EMC3: variants seen among roughly 807,000 people sequenced by gnomAD.
EMC3 encodes the protein ER membrane protein complex subunit 3, also known as 30 kDa protein.
Under a neutral mutation model 36.6 loss-of-function variants are expected in EMC3, and 13 were observed. The observed-to-expected ratio is 0.35, with a 90% confidence interval of 0.23 to 0.56. The LOEUF (loss-of-function observed/expected upper bound fraction) is 0.56, where lower values mean the gene tolerates loss of function less well. Ranked by LOEUF, EMC3 falls within the 20% of genes least tolerant of loss-of-function variation. The probability of loss-of-function intolerance (pLI) is 0.84; values close to 1 mark genes in which losing one functional copy is unlikely to be tolerated. For missense variants in EMC3, 220 were observed against 324.5 expected (o/e 0.68, Z 2.47); for synonymous variants, 120 against 111.9 (o/e 1.07, Z -0.46).
intron 5 of EMC3, among the ~76,000 whole-genome samples, chr3:9,970,880 T>C (rs961042202): frequency 1.3e-5 from 2 of 151,988 alleles, no homozygotes; most frequent in African/African-American, 4.8e-5. Context: ...ACTCCCATTC[T>C]GAATTCCATT....
intron 1 of EMC3, among the ~76,000 whole-genome samples, chr3:9,999,512 T>A (rs1437333785): frequency 6.6e-6 from 1 of 152,218 alleles, no homozygotes; most frequent in Admixed American, 6.5e-5. Context: ...GTGCTGTGAT[T>A]ACAGGCATGA....
intron 7 of EMC3, among the ~76,000 whole-genome samples, chr3:9,967,360 G>C (rs941432626): frequency 6.6e-6 from 1 of 152,030 alleles, no homozygotes; most frequent in Non-Finnish European, 1.5e-5. Flanking sequence ...TAACATGCCT[G>C]TTGAACCATT....
chr3:9,983,149 ATT>A (rs36108965), intron 1 of EMC3, among the ~76,000 whole-genome samples: 37 of 142,956 alleles, frequency 2.6e-4, no homozygotes, highest in East Asian at 4.1e-4. Flanking sequence ...AATCTGTGGA[ATT>A]TTTTTTTTTT....
chr3:10,003,415 A>G (rs1001700419), intron 1 of EMC3: 2 of 361,270 alleles, frequency 5.5e-6, no homozygotes. Context: ...GACAAAAATC[A>G]AGTTGGTGGG....
intron 1 of EMC3, chr3:9,992,725 G>C (rs143609182): frequency 0.034 from 19,959 of 592,654 alleles, 414 homozygotes; most frequent in Admixed American, 0.043. Context: ...AATATTTCTG[G>C]GTTTTGTGAA....
Position 10,000,974 on chromosome 3 carries a change from G to A in EMC3, c.-242+10049C>T, listed in dbSNP as rs375953730. ...TTTAATTCTCTTTTTAGTCCCTGGGGCCACGAAGGTTGCCACTCCAAAGCC... is the reference window on the plus strand; with the variant it reads ...TTTAATTCTCTTTTTAGTCCCTGGGACCACGAAGGTTGCCACTCCAAAGCC... On this transcript the variant is annotated intron_variant, in intron 1 of 8. Transcript: ENST00000470827. 25 of 287,010 alleles carry A rather than the reference G, an allele frequency of 8.7e-5. 1 individual carries two copies. The highest frequency in any genetic ancestry group is 7.5e-4 in the East Asian group (8 of 10,634). The allele number at this position is 287,010 out of a possible 1,614,324, so 17.8% of individuals were successfully genotyped here.
intron 1 of EMC3, 129 bp from the exon 2 acceptor site, chr3:9,977,575 C>A: frequency 1.5e-6 from 1 of 675,730 alleles, no homozygotes; most frequent in South Asian, 2.2e-5. Context: ...GTGGAAACTT[C>A]CCAAAATACA....
intron 7 of EMC3, 118 bp downstream of exon 7, chr3:9,969,601 A>T: frequency 6.4e-7 from 1 of 1,553,910 alleles, no homozygotes; most frequent in Non-Finnish European, 8.7e-7. Context: ...GTTTTTACTA[A>T]GTTTAAATTA....
chr3:9,980,271 C>T (rs9859053), intron 1 of EMC3, among the ~76,000 whole-genome samples: 1 of 151,928 alleles, frequency 6.6e-6, no homozygotes, highest in Non-Finnish European at 1.5e-5. Context: ...GCCTCAGCCT[C>T]TCAAAGTGCT....
intron 1 of EMC3, among the ~76,000 whole-genome samples, chr3:9,995,530 C>T (rs1479003915): frequency 6.6e-6 from 1 of 150,520 alleles, no homozygotes; most frequent in African/African-American, 2.4e-5. Flanking sequence ...GTGATTTTAA[C>T]GAAGTAGAGA....
At chr3:9,995,733 G>A (rs895457839) in intron 1 of EMC3, among the ~76,000 whole-genome samples, 3 of 151,878 alleles carry the variant, frequency 2.0e-5, no homozygotes, top group Non-Finnish European at 4.4e-5. Flanking sequence ...TGCCTCCCGG[G>A]TTCTAGCGAT....
Position 10,007,748 on chromosome 3 carries a change from A to G in EMC3, c.-242+3275T>C, listed in dbSNP as rs1236210554. On this transcript the variant is annotated intron_variant, in intron 1 of 8. Transcript: ENST00000470827. ...TGCAGATGCCCATCAGCACCCATCA[A>G]GGAGCTTCCTTGTGGGTTCCTAATG... is the stretch of plus-strand genomic sequence containing the variant. 1.3e-5 allele frequency: 13 copies of G among 988,066 alleles called. 1 individual carries two copies. Among genetic ancestry groups the G allele is most frequent in the African/African-American group, 1.0e-4 (6 of 58,412 alleles). 61.2% of individuals were successfully genotyped at this position (988,066 alleles called of 1,614,324 possible). A position where few individuals can be genotyped will look rare whatever the true frequency, so the allele number is the denominator to read the frequency against.
chr3:10,000,656 T>G (rs2086187709), intron 1 of EMC3: 2 of 477,116 alleles, frequency 4.2e-6, no homozygotes, highest in Admixed American at 4.5e-5. Context: ...ATTAGTAGCT[T>G]TTTTAAGATA....
intron 6 of EMC3, 67 bp from the exon 7 acceptor site, chr3:9,969,868 A>C (rs1349599593): frequency 3.1e-6 from 5 of 1,589,058 alleles, no homozygotes; most frequent in Non-Finnish European, 4.3e-6. Flanking sequence ...CAAGGGGAAG[A>C]ATGGGCTTCA....
Position 10,001,577 on chromosome 3 carries a change from C to CA in EMC3, c.-242+9445dup, listed in dbSNP as rs530876800. On this transcript the variant is annotated intron_variant, in intron 1 of 8. Coordinates refer to the EMC3 transcript ENST00000470827. Reference sequence around the variant, plus strand: ...TGGATGACAGAGCAAGACTCCGTCTCAAAAAAAAAAACAATTTGTCACATA... The same window carrying CA: ...TGGATGACAGAGCAAGACTCCGTCTCAAAAAAAAAAAACAATTTGTCACATA... 5.4e-3 allele frequency among the ~76,000 whole-genome samples: 703 copies of CA among 131,050 alleles called. 8 individuals are homozygous for CA. Among genetic ancestry groups the CA allele is most frequent in the South Asian group, 0.033 (136 of 4,112 alleles). 86.0% of individuals were successfully genotyped at this position (131,050 alleles called of 152,430 possible).
intron 2 of EMC3, 49 bp from the exon 3 acceptor site, chr3:9,977,099 C>A (rs758531870): frequency 3.6e-6 from 5 of 1,406,208 alleles, no homozygotes; most frequent in Non-Finnish European, 5.0e-6. Flanking sequence ...TATGACACAG[C>A]AAACTGTTAA....
chr3:9,986,603 A>G lies in EMC3; in HGVS notation c.59T>C (p.Ile20Thr), dbSNP rs779573513. The G allele has an allele frequency of 3.1e-6, 5 of 1,614,038 alleles. No homozygotes were observed. The African/African-American group carries it at 5.3e-5, about 17-fold the overall frequency. Residue 20 changes from isoleucine to threonine, a missense_variant, in exon 1 of 8, where the codon ATC (isoleucine) becomes ACC (threonine). Physicochemically the swap from Ile to Thr is moderately conservative, Grantham distance 89. This residue lies in a region of EMC3 where 127 missense variants were observed against 174.6 expected (regional missense o/e 0.73). Coordinates refer to ENST00000245046, the MANE Select transcript of EMC3 (RefSeq NM_001394674.1). ...SNIRLWVVLP[I>T]VIITFFVGMI... is the part of the protein sequence containing the mutation. The stretch of plus-strand genomic sequence containing the variant: ...GCCTACGAAGAAAGTGATGATAACG[A>G]TGGGTAGGACCACCCAGAGGCGGAT...
At chr3:9,984,397 T>C (rs1164904527) in intron 1 of EMC3, among the ~76,000 whole-genome samples, 1 of 145,320 alleles carries the variant, frequency 6.9e-6, no homozygotes, top group African/African-American at 2.6e-5. Context: ...TGACTTCTTT[T>C]CTGTTTTTTT....
At chr3:10,009,282 T>C (rs915039115) in intron 1 of EMC3, among the ~76,000 whole-genome samples, 5 of 152,290 alleles carry the variant, frequency 3.3e-5, no homozygotes, top group African/African-American at 4.8e-5. Context: ...ATATATCTTC[T>C]ATATACTTGC....
Sources: allele counts gnomAD v4.1 joint callset (sites outside exome capture counted in the v4.1 genomes callset), GRCh38; gene constraint gnomAD v4.1.1; regional missense constraint gnomAD v4.1.1; transcripts MANE v1.5; gene names NCBI Gene and HGNC (gene_info 2026-07-23, HGNC 2026-07-21).